Variants in DDX3X observed in about 807,000 individuals in gnomAD.
The protein encoded by DDX3X is DEAD-box helicase 3 X-linked.
In DDX3X, 4 loss-of-function variants were observed where a neutral mutation model predicts 52.7. The ratio of observed to expected loss-of-function variants is 0.08; its 90% CI spans 0.04 to 0.17. The LOEUF is 0.17. Among genes scored for constraint, DDX3X ranks in the 10% least tolerant of loss-of-function variants. The probability of loss-of-function intolerance (pLI) is 1.00; values close to 1 mark genes in which losing one functional copy is unlikely to be tolerated. For synonymous variants in DDX3X, 192 were observed against 178.1 expected (o/e 1.08, Z -0.62); for missense variants, 222 against 548.6 (o/e 0.40, Z 5.95).
At chrX:41,343,633 C>CT (rs1272585836) in intron 7 of DDX3X, 104 bp from the exon 8 acceptor site, 2 of 762,664 alleles carry the variant, frequency 2.6e-6, no homozygotes, top group African/African-American at 4.3e-5. Flanking sequence ...TAAGCATAAA[C>CT]TAAAAGTACT....
At chrX:41,341,429 C>T in intron 3 of DDX3X, 55 bp from the exon 4 acceptor site, 3 of 1,031,360 alleles carry the variant, frequency 2.9e-6, no homozygotes, top group South Asian at 2.1e-5. Flanking sequence ...AATACCTTAA[C>T]ATGGTTCCTA....
In DDX3X at chrX:41,343,369, G is replaced by A. The variant is rs1485516229; in HGVS notation, c.679+18G>A. The A allele has an allele frequency of 1.7e-6, 2 of 1,170,383 alleles. No homozygotes were observed. Among genetic ancestry groups the A allele is most frequent in the Admixed American group, 5.7e-5 (2 of 35,027 alleles). ...CCAAACAGGTAAGCTCAACTCATAA[G>A]AGTAAAACATCATATTTCTTCTGTA... On this transcript the variant is annotated intron_variant, in intron 7 of 16. Transcript: ENST00000644876.
intron 3 of DDX3X, chrX:41,339,329 T>C (rs1353418413): frequency 1.7e-5 from 3 of 171,956 alleles, no homozygotes; most frequent in African/African-American, 9.1e-5. Context: ...TTGTACAGTT[T>C]CACTAGTGTT....
At chrX:41,359,273 C>T (rs1246749521) in intron 5 of DDX3X, among the ~76,000 whole-genome samples, 1 of 112,191 alleles carries the variant, frequency 8.9e-6, no homozygotes, top group Non-Finnish European at 1.9e-5. Flanking sequence ...TACTTATTTT[C>T]TATTTCCCAA....
chrX:41,334,391 T>C (rs1466693970), intron 1 of DDX3X, 94 bp downstream of exon 1: 4 of 1,144,154 alleles, frequency 3.5e-6, no homozygotes, highest in Non-Finnish European at 4.7e-6. Flanking sequence ...GCACCCTTAC[T>C]TTTCATTTTC....
In DDX3X at chrX:41,349,402, A is replaced by G. The variant is rs1273994778; in HGVS notation, c.*1683A>G. 1.8e-5 allele frequency: 2 copies of G among 111,667 alleles called. No individual in the cohort carries two copies. The highest frequency in any genetic ancestry group is 9.7e-5 in the Admixed American group (1 of 10,335). 9.2% of individuals were successfully genotyped at this position (111,667 alleles called of 1,213,427 possible). A position where few individuals can be genotyped will look rare whatever the true frequency, so the allele number is the denominator to read the frequency against. On this transcript the variant is annotated 3_prime_UTR_variant, in exon 17 of 17. Coordinates refer to ENST00000644876, the MANE Select transcript of DDX3X (RefSeq NM_001356.5). ...TGAACGCAGCTTGTCTAGGAAGGGG[A>G]TGGGACTAGATTCTAAAATTTATTT...
chrX:41,343,042 C>A, intron 6 of DDX3X, 174 bp from the exon 7 acceptor site: 1 of 613,291 alleles, frequency 1.6e-6, no homozygotes, highest in Non-Finnish European at 2.5e-6. Flanking sequence ...AACCCAAAGT[C>A]TTCTCCAATG....
chrX:41,346,723 CAA>C (rs1483195935), intron 14 of DDX3X, 101 bp downstream of exon 14: 33 of 950,919 alleles, frequency 3.5e-5, no homozygotes, highest in Admixed American at 2.4e-4. Flanking sequence ...ATGAAAGTGA[CAA>C]AGATTTTGCT....
At chrX:41,357,472 AC>A (rs1424797774) in intron 5 of DDX3X, among the ~76,000 whole-genome samples, 1 of 110,824 alleles carries the variant, frequency 9.0e-6, no homozygotes, top group Non-Finnish European at 1.9e-5. Flanking sequence ...TGGGTCCAAA[AC>A]TTTTTTATTT....
chrX:41,341,713 T>G, intron 4 of DDX3X, 97 bp downstream of exon 4: 1 of 865,398 alleles, frequency 1.2e-6, no homozygotes, highest in Non-Finnish European at 1.6e-6. Flanking sequence ...TTATGTCTGT[T>G]TGGTCATTGT....
Position 41,346,275 on chromosome X carries a change from A to G in DDX3X, c.1362A>G (p.Ala454=). Residue 454 remains alanine (A), a synonymous_variant, in exon 13 of 17, where the codon GCA becomes GCG. Transcript: ENST00000644876. ...TGTTTGTGGAGACCAAAAAGGGTGC[A>G]GATTCTCTGGAGGATTTCTTATACC... ...TLVFVETKKG[A]DSLEDFLYHE... is the part of the protein sequence containing the mutation. 1 of 1,210,734 alleles carries G rather than the reference A, an allele frequency of 8.3e-7. No homozygotes were observed.
At chrX:41,338,942 T>C (rs2063808740) in intron 2 of DDX3X, 94 bp from the exon 3 acceptor site, 1 of 328,948 alleles carries the variant, frequency 3.0e-6, no homozygotes, top group South Asian at 9.4e-5. Flanking sequence ...GGCTGGAGAT[T>C]TTAATTTCCC....
intron 7 of DDX3X, 73 bp downstream of exon 7, chrX:41,343,424 T>C: frequency 1.0e-6 from 1 of 993,629 alleles, no homozygotes; most frequent in Non-Finnish European, 1.3e-6. Context: ...ATTTTATTTT[T>C]TATGGGTCAT....
upstream of DDX3X, chrX:41,333,917 A>G (rs752917155): frequency 1.1e-4 from 22 of 203,200 alleles, no homozygotes; most frequent in Admixed American, 2.1e-4. Context: ...AGCGGAGAGC[A>G]CGGGAAGTGT....
At chrX:41,337,589 C>A in intron 2 of DDX3X, 124 bp downstream of exon 2, 2 of 502,381 alleles carry the variant, frequency 4.0e-6, no homozygotes, top group Admixed American at 3.9e-5. Flanking sequence ...ATTATGTAGT[C>A]TTTGTGTTAT....
intron 12 of DDX3X, chrX:41,345,865 A>C: frequency 4.1e-6 from 1 of 243,786 alleles, no homozygotes; most frequent in Non-Finnish European, 7.2e-6. Context: ...GGCACTCACC[A>C]CTGCACCCAG....
rs1271885626 is a variant in DDX3X at position 41,346,844 on chromosome X, T to G, written c.1616-15T>G. On this transcript the variant is annotated splice_polypyrimidine_tract_variant and intron_variant, in intron 14 of 16. Coordinates refer to ENST00000644876, the MANE Select transcript of DDX3X (RefSeq NM_001356.5). The stretch of plus-strand genomic sequence containing the variant: ...GAAGACCTTTGTTTATATACTTTTT[T>G]GGGAACTCTTTTAGGCCTGGCAACC... The G allele has an allele frequency of 8.4e-7, 1 of 1,189,505 alleles. No homozygotes were observed. Among genetic ancestry groups the G allele is most frequent in the Non-Finnish European group, 1.1e-6 (1 of 883,518 alleles).
At chrX:41,347,051 T>A in intron 15 of DDX3X, 39 bp downstream of exon 15, 1 of 1,138,277 alleles carries the variant, frequency 8.8e-7, no homozygotes, top group Non-Finnish European at 1.2e-6. Flanking sequence ...GAATGGGTGT[T>A]CACTTACAGT....
At chrX:41,346,164 C>A in intron 12 of DDX3X, 65 bp from the exon 13 acceptor site, 1 of 967,022 alleles carries the variant, frequency 1.0e-6, no homozygotes, top group Non-Finnish European at 1.4e-6. Context: ...TAAAATTGTG[C>A]ATACATAAGT....
Sources: allele counts gnomAD v4.1 joint callset (sites outside exome capture counted in the v4.1 genomes callset), GRCh38; gene constraint gnomAD v4.1.1; transcripts MANE v1.5; gene names NCBI Gene and HGNC (gene_info 2026-07-23, HGNC 2026-07-21).